Variants in ADAMTS19 observed in about 807,000 individuals in gnomAD.
ADAMTS19 encodes ADAM metallopeptidase with thrombospondin type 1 motif 19.
Under a neutral mutation model 153.3 loss-of-function variants are expected in ADAMTS19, and 93 were observed. The observed-to-expected ratio is 0.61, with a 90% CI of 0.51 to 0.72. The LOEUF (loss-of-function observed/expected upper bound fraction) is 0.72, where lower values mean the gene tolerates loss of function less well. ADAMTS19 is among the 30% of genes least tolerant of loss of function. The probability of loss-of-function intolerance (pLI) is 0.00; values close to 1 mark genes in which losing one functional copy is unlikely to be tolerated. For missense variants in ADAMTS19, 1,482 were observed against 1,552.1 expected, an observed-to-expected ratio of 0.95 and a Z score of 0.76; for synonymous variants, 600 against 556.6, an observed-to-expected ratio of 1.08 and a Z score of -1.10.
intron 16 of ADAMTS19, among the ~76,000 whole-genome samples, chr5:129,679,477 A>G (rs759676886): frequency 2.0e-5 from 3 of 152,252 alleles, no homozygotes; most frequent in Non-Finnish European, 4.4e-5. Context: ...AGAATAAATG[A>G]TTAAGGACCA....
At chr5:129,659,082 T>G (rs1407462175) in intron 15 of ADAMTS19, among the ~76,000 whole-genome samples, 1 of 152,216 alleles carries the variant, frequency 6.6e-6, no homozygotes, top group African/African-American at 2.4e-5. Context: ...TGTAACAGCC[T>G]AAAGCAACCA....
intron 8 of ADAMTS19, among the ~76,000 whole-genome samples, chr5:129,606,257 G>T (rs143125369): frequency 6.6e-6 from 1 of 152,092 alleles, no homozygotes; most frequent in Non-Finnish European, 1.5e-5. Context: ...TGGAAATTGC[G>T]CCTGGATAGA....
At chr5:129,645,830 C>A (rs2127034458) in intron 11 of ADAMTS19, among the ~76,000 whole-genome samples, 1 of 151,112 alleles carries the variant, frequency 6.6e-6, no homozygotes, top group South Asian at 2.1e-4. Context: ...TTTTTAAGTC[C>A]TTAAAACAAG....
chr5:129,614,753 T>C (rs1751425284), intron 8 of ADAMTS19, among the ~76,000 whole-genome samples: 1 of 152,114 alleles, frequency 6.6e-6, no homozygotes, highest in African/African-American at 2.4e-5. Context: ...ATTGTCCCTG[T>C]TTGCAGACGA....
Position 129,679,775 on chromosome 5 carries a change from G to A in ADAMTS19, c.2518G>A (p.Ala840Thr). Residue 840 changes from alanine (A) to threonine (T), a missense_variant, in exon 17 of 23, where the codon GCT becomes ACT. Around this residue, in one of 2 missense-constraint regions of ADAMTS19, gnomAD observed 616 missense variants for 724.4 expected, o/e 0.85. Transcript: ENST00000274487. ...PAHSYLALRDAGKQSINSDWK... is the reference protein window; with the variant it reads ...PAHSYLALRDTGKQSINSDWK... Reference sequence around the variant, plus strand: ...GAACCTCTTTATAGCTCTCCGAGATGCTGGCAAACAGTCTATTAATAGTGA... The same window carrying A: ...GAACCTCTTTATAGCTCTCCGAGATACTGGCAAACAGTCTATTAATAGTGA... 1.2e-6 allele frequency: 2 copies of A among 1,610,370 alleles called. No individual in the cohort carries two copies. The highest frequency in any genetic ancestry group is 2.2e-5 in the South Asian group (2 of 90,278).
chr5:129,612,721 C>T (rs1398072742), intron 8 of ADAMTS19, among the ~76,000 whole-genome samples: 1 of 152,034 alleles, frequency 6.6e-6, no homozygotes, highest in Non-Finnish European at 1.5e-5. Context: ...GCTAAATGCT[C>T]CAATTAAAAG....
chr5:129,663,964 G>A (rs1167709639), intron 15 of ADAMTS19, among the ~76,000 whole-genome samples: 1 of 152,070 alleles, frequency 6.6e-6, no homozygotes, highest in Non-Finnish European at 1.5e-5. Flanking sequence ...GCATGTGAAT[G>A]CTACCCATTC....
intron 2 of ADAMTS19, among the ~76,000 whole-genome samples, chr5:129,498,960 A>C (rs1751015276): frequency 6.6e-6 from 1 of 151,976 alleles, no homozygotes; most frequent in Admixed American, 6.6e-5. Context: ...TTCTGTTTTC[A>C]TCTTTGAATC....
intron 16 of ADAMTS19, among the ~76,000 whole-genome samples, chr5:129,674,461 T>G (rs1183474268): frequency 6.6e-6 from 1 of 152,200 alleles, no homozygotes; most frequent in Non-Finnish European, 1.5e-5. Context: ...CCATCTCTTC[T>G]TAATTCCTTT....
At chr5:129,515,191 G>A (rs1054009068) in intron 3 of ADAMTS19, among the ~76,000 whole-genome samples, 8 of 151,988 alleles carry the variant, frequency 5.3e-5, no homozygotes, top group African/African-American at 1.9e-4. Context: ...GGTTACTGTA[G>A]CTCTGTAGTA....
At position 129,509,104 on chromosome 5, in the gene ADAMTS19, T is replaced by G. The variant is rs1329756977; in HGVS notation, c.775T>G (p.Phe259Val). 11 of 1,610,776 alleles carry G rather than the reference T, an allele frequency of 6.8e-6. No individual in the cohort carries two copies. The highest frequency in any genetic ancestry group is 9.3e-6 in the Non-Finnish European group (11 of 1,178,112). The change falls in exon 3 of 23, where the codon TTC (phenylalanine) becomes GTC (valine). Residue 259 changes from phenylalanine to valine, a missense_variant. This residue lies in a region of ADAMTS19 where 866 missense variants were observed against 827.7 expected (regional missense o/e 1.05). Transcript: ENST00000274487. Reference protein sequence around the residue: ...LMGFIQLNEDFIFIEPLNDTM... With the variant: ...LMGFIQLNEDVIFIEPLNDTM... ...GGGATTTATACAGCTCAATGAGGAC[T>G]TCATATTTATTGAGCCACTCAATGA...
At chr5:129,720,899 A>G (rs1270306641) in intron 21 of ADAMTS19, among the ~76,000 whole-genome samples, 1 of 152,234 alleles carries the variant, frequency 6.6e-6, no homozygotes, top group African/African-American at 2.4e-5. Flanking sequence ...TGGCTAGCTT[A>G]TACCATGAGC....
In ADAMTS19 at chr5:129,548,658, C is replaced by T. The variant is rs535287196; in HGVS notation, c.1329-3206C>T. 5.9e-5 allele frequency among the ~76,000 whole-genome samples: 9 copies of T among 151,986 alleles called. No individual in the cohort carries two copies. The South Asian group carries it at 1.9e-3, about 32-fold the overall frequency. ...CTAGAACTAGAAATACCATTTGACC[C>T]AGCCATCCCATTACTGGGTATATAC... On this transcript the variant is annotated intron_variant, in intron 6 of 22. Transcript: ENST00000274487.
chr5:129,571,528 G>C (rs765407095), intron 7 of ADAMTS19, among the ~76,000 whole-genome samples: 1 of 151,552 alleles, frequency 6.6e-6, no homozygotes, highest in African/African-American at 2.4e-5. Context: ...AGCAATAAAA[G>C]ATCTAAATAA....
At chr5:129,606,184 A>G (rs1389094230) in intron 8 of ADAMTS19, among the ~76,000 whole-genome samples, 2 of 152,158 alleles carry the variant, frequency 1.3e-5, no homozygotes, top group Admixed American at 6.5e-5. Context: ...TACCAAGAAT[A>G]CAGACGTCTT....
chr5:129,578,133 T>C (rs1749281669), intron 7 of ADAMTS19, among the ~76,000 whole-genome samples: 1 of 130,842 alleles, frequency 7.6e-6, no homozygotes, highest in Non-Finnish European at 1.7e-5. Context: ...TATACGTACA[T>C]ATACCTATAT....
chr5:129,473,089 G>T (rs1414289975), intron 2 of ADAMTS19, among the ~76,000 whole-genome samples: 7 of 149,860 alleles, frequency 4.7e-5, no homozygotes, highest in Non-Finnish European at 1.0e-4. Flanking sequence ...TCTCTCAAAT[G>T]ACAAAAAAAT....
At chr5:129,729,028 T>C (rs28398805) in intron 21 of ADAMTS19, among the ~76,000 whole-genome samples, 3,747 of 152,210 alleles carry the variant, frequency 0.025, 157 homozygotes, top group African/African-American at 0.084. Flanking sequence ...CTTCACCACT[T>C]AGAAATTTTC....
rs1479906399 is a variant in ADAMTS19, at chr5:129,701,460, T to G, written c.3027T>G (p.Cys1009Trp). 2 of 1,614,090 alleles carry G rather than the reference T, an allele frequency of 1.2e-6. No individual in the cohort carries two copies. Among genetic ancestry groups the G allele is most frequent in the Admixed American group, 1.7e-5 (1 of 60,004 alleles). Reference protein sequence around the residue: ...GKGMQSRQVACTQQLSNGTLI... With the variant: ...GKGMQSRQVAWTQQLSNGTLI... ...GAATGCAGAGCAGACAAGTGGCCTG[T>G]ACCCAACAACTGAGCAATGGAACAC... Residue 1009 changes from cysteine to tryptophan, a missense_variant, in exon 20 of 23, where the codon TGT becomes TGG. Around this residue, in one of 2 missense-constraint regions of ADAMTS19, gnomAD observed 616 missense variants for 724.4 expected, o/e 0.85. Coordinates refer to ENST00000274487, the MANE Select transcript of ADAMTS19 (RefSeq NM_133638.6).
Sources: allele counts gnomAD v4.1 joint callset (sites outside exome capture counted in the v4.1 genomes callset), GRCh38; gene constraint gnomAD v4.1.1; regional missense constraint gnomAD v4.1.1; transcripts MANE v1.5; gene names NCBI Gene and HGNC (gene_info 2026-07-23, HGNC 2026-07-21).